The following PFKL variants were observed in gnomAD, a reference collection of about 807,000 sequenced individuals.
PFKL encodes the protein ATP-dependent 6-phosphofructokinase, liver type.
PFKL carries 74 observed loss-of-function variants against 92.1 expected under a neutral mutation model. That is an observed-to-expected ratio of 0.80 (90% confidence interval 0.67 to 0.97). The LOEUF is 0.97. Among genes scored for constraint, PFKL ranks in the 50% least tolerant of loss-of-function variants. The pLI, the probability that PFKL is intolerant of heterozygous loss-of-function variation, is 0.00. For missense variants in PFKL, 1,028 were observed against 1,116.6 expected, an observed-to-expected ratio of 0.92 and a Z score of 1.13; for synonymous variants, 494 against 456.4, an observed-to-expected ratio of 1.08 and a Z score of -1.05.
chr21:44,313,204 T>C (rs949322245), intron 5 of PFKL, 61 bp downstream of exon 5: 26 of 1,566,014 alleles, frequency 1.7e-5, no homozygotes, highest in South Asian at 1.2e-4. Context: ...GGTGGTGAGG[T>C]GGTCTCAGGG....
In PFKL at chr21:44,306,458, C is replaced by A. The variant is rs115288741; in HGVS notation, c.86-223C>A. Among the ~76,000 whole-genome samples, 869 of 151,834 alleles carry A rather than the reference C, an allele frequency of 5.7e-3. 9 individuals carry two copies. The highest frequency in any genetic ancestry group is 0.02 in the African/African-American group (839 of 41,418). On this transcript the variant is annotated intron_variant, in intron 1 of 21. Transcript: ENST00000349048. ...TCCTGAGATGGGGAGGGTGACCAGG[C>A]CTTCCCTACCCCCTGCCCTCTGAGA...
intron 2 of PFKL, among the ~76,000 whole-genome samples, chr21:44,310,133 C>T (rs1274351102): frequency 2.0e-5 from 3 of 152,240 alleles, no homozygotes; most frequent in Non-Finnish European, 4.4e-5. Context: ...ACCGGGGCTG[C>T]ACGGAGGAGG....
chr21:44,323,921 A>G lies in PFKL; in HGVS notation c.1650+3A>G. ...CTGCTGTAAATGCCGCCATGGAGGT[A>G]CGGGGCTCCTGGACACCGGCCTGCC... is the stretch of plus-strand genomic sequence containing the variant. On this transcript the variant is annotated splice_donor_region_variant and intron_variant, in intron 16 of 21. Coordinates refer to ENST00000349048, the MANE Select transcript of PFKL (RefSeq NM_002626.6). 6.2e-7 allele frequency: 1 copy of G among 1,613,178 alleles called. No individual in the cohort carries two copies. Among genetic ancestry groups the G allele is most frequent in the Non-Finnish European group, 8.5e-7 (1 of 1,179,900 alleles).
Position 44,324,612 on chromosome 21 carries a change from C to T in PFKL, c.1772C>T (p.Ala591Val). 6.2e-7 allele frequency: 1 copy of T among 1,610,340 alleles called. No individual in the cohort carries two copies. Among genetic ancestry groups the T allele is most frequent in the Non-Finnish European group, 8.5e-7 (1 of 1,178,154 alleles). Residue 591 changes from alanine to valine, a missense_variant, in exon 17 of 22, where the codon GCC becomes GTC. Physicochemically the swap from Ala to Val is moderately conservative, Grantham distance 64. Transcript: ENST00000349048. ...TVTGIAVGAD[A>V]AYVFEDPFNI... The stretch of plus-strand genomic sequence containing the variant: ...ACTGGCATTGCTGTGGGGGCCGACG[C>T]CGCCTACGTCTTCGAGGACCCTTTC...
In PFKL at chr21:44,326,757, C is replaced by T. The variant is rs1408947076; in HGVS notation, c.2238C>T (p.Leu746=). The change falls in exon 22 of 22, where the codon CTC becomes CTT. Residue 746 remains leucine, a synonymous_variant. Coordinates refer to ENST00000349048, the MANE Select transcript of PFKL (RefSeq NM_002626.6). ...AGCAGTGGTGGCTGAGCCTGCGGCT[C>T]ATGCTGAAGATGCTGGCACAATACC... ...PREQWWLSLR[L]MLKMLAQYRI... 2.5e-6 allele frequency: 4 copies of T among 1,611,400 alleles called. No homozygotes were observed. The highest frequency in any genetic ancestry group is 1.7e-5 in the Admixed American group (1 of 59,914).
intron 9 of PFKL, among the ~76,000 whole-genome samples, chr21:44,317,764 A>G (rs1266582916): frequency 1.3e-5 from 2 of 152,222 alleles, no homozygotes; most frequent in Non-Finnish European, 2.9e-5. Context: ...CTCATCCTGC[A>G]TGGGGGGTGT....
intron 15 of PFKL, among the ~76,000 whole-genome samples, chr21:44,323,250 G>C (rs1171756977): frequency 6.6e-6 from 1 of 152,304 alleles, no homozygotes; most frequent in South Asian, 2.1e-4. Context: ...AGAGGGTTGG[G>C]GTTTTAAGTG....
Position 44,324,590 on chromosome 21 carries a change from G to A in PFKL, c.1750G>A (p.Gly584Ser). ...GYCGYLATVT[G>S]IAVGADAAYV... ...CTGTGGCTACCTGGCCACCGTGACT[G>A]GCATTGCTGTGGGGGCCGACGCCGC... The change falls in exon 17 of 22, where the codon GGC (glycine) becomes AGC (serine). Residue 584 changes from glycine to serine, a missense_variant. Coordinates refer to ENST00000349048, the MANE Select transcript of PFKL (RefSeq NM_002626.6). 1 of 1,612,870 alleles carries A rather than the reference G, an allele frequency of 6.2e-7. No homozygotes were observed. The highest frequency in any genetic ancestry group is 8.5e-7 in the Non-Finnish European group (1 of 1,179,678).
At position 44,325,477 on chromosome 21, in the gene PFKL, C is replaced by T. The variant is rs117561656; in HGVS notation, c.1989+213C>T. ...TGGGGCTGGGGCTGGAGCCGGGGCC[C>T]GAGCCAGGGCATTCACATGCTGAGC... On this transcript the variant is annotated intron_variant, in intron 19 of 21. Coordinates refer to ENST00000349048, the MANE Select transcript of PFKL (RefSeq NM_002626.6). The T allele has an allele frequency of 4.6e-3, 2,661 of 582,466 alleles. 11 individuals are homozygous for T. The highest frequency in any genetic ancestry group is 5.9e-3 in the Non-Finnish European group (1,916 of 324,790). The allele number at this position is 582,466 out of a possible 1,614,324, so 36.1% of individuals were successfully genotyped here. A position where few individuals can be genotyped will look rare whatever the true frequency, so the allele number is the denominator to read the frequency against.
rs1164912519 is a variant in PFKL at position 44,319,590 on chromosome 21, G to A, written c.1127+175G>A. On this transcript the variant is annotated intron_variant, in intron 11 of 21. Transcript: ENST00000349048. ...GTACAGGAGGCGGGCTGGGAGGTGT[G>A]GTACCACAGGAGACCCTGGGCGGTG... 3 of 626,862 alleles carry A rather than the reference G, an allele frequency of 4.8e-6. No homozygotes were observed. The African/African-American group carries it at 5.5e-5, about 11-fold the overall frequency. 38.8% of individuals were successfully genotyped at this position (626,862 alleles called of 1,614,324 possible).
chr21:44,312,120 G>A lies in PFKL; in HGVS notation c.253G>A (p.Gly85Ser), dbSNP rs1444077675. ...CTCTGTGCAGGGCGGCACTATCATT[G>A]GCAGCGCTCGCTGCAAGGCCTTTAC... ...NIIQLGGTII[G>S]SARCKAFTTR... The change falls in exon 4 of 22, where the codon GGC becomes AGC. Residue 85 changes from glycine to serine, a missense_variant. Gly to Ser is a moderately conservative substitution (Grantham distance 56). Coordinates refer to ENST00000349048, the MANE Select transcript of PFKL (RefSeq NM_002626.6). 6.4e-7 allele frequency: 1 copy of A among 1,561,060 alleles called. No individual in the cohort carries two copies. The highest frequency in any genetic ancestry group is 8.7e-7 in the Non-Finnish European group (1 of 1,154,086).
intron 3 of PFKL, 26 bp from the exon 4 acceptor site, chr21:44,312,079 T>A (rs1471459510): frequency 1.4e-6 from 2 of 1,423,706 alleles, no homozygotes; most frequent in African/African-American, 3.0e-5. Context: ...CCATCTCTCC[T>A]GAAGTTTCTG....
intron 12 of PFKL, chr21:44,320,380 G>A (rs1266283188): frequency 1.2e-5 from 6 of 484,194 alleles, no homozygotes; most frequent in Admixed American, 3.6e-5. Flanking sequence ...TCTCAGTGGT[G>A]GATGGAAATG....
chr21:44,323,272 C>G (rs2047406704), intron 15 of PFKL, among the ~76,000 whole-genome samples: 1 of 151,998 alleles, frequency 6.6e-6, no homozygotes, highest in Admixed American at 6.6e-5. Context: ...TGTGTGTGGG[C>G]TCGGGAGGGT....
intron 21 of PFKL, 83 bp from the exon 22 acceptor site, chr21:44,326,632 G>A: frequency 6.9e-7 from 1 of 1,456,240 alleles, no homozygotes; most frequent in Non-Finnish European, 9.3e-7. Flanking sequence ...CAGGGTCGGG[G>A]GGGGTGGGGG....
At chr21:44,302,317 A>G (rs1186334822) in intron 1 of PFKL, among the ~76,000 whole-genome samples, 1 of 152,194 alleles carries the variant, frequency 6.6e-6, no homozygotes, top group Non-Finnish European at 1.5e-5. Context: ...TCTGCAAGGG[A>G]GGAGGACTCC....
In PFKL at chr21:44,312,153, G is replaced by A; in HGVS notation, c.286G>A (p.Glu96Lys). The A allele has an allele frequency of 6.3e-7, 1 of 1,590,394 alleles. No individual in the cohort carries two copies. The highest frequency in any genetic ancestry group is 8.6e-7 in the Non-Finnish European group (1 of 1,169,046). ...SARCKAFTTR[E>K]GRRAAAYNLV... is the part of the protein sequence containing the mutation. ...TCGCTGCAAGGCCTTTACCACCAGG[G>A]AGGGGCGCCGGGCAGCGGCCTACAA... The change falls in exon 4 of 22, where the codon GAG becomes AAG. Residue 96 changes from glutamate to lysine, a missense_variant. Glu to Lys is a moderately conservative substitution (Grantham distance 56). Coordinates refer to ENST00000349048, the MANE Select transcript of PFKL (RefSeq NM_002626.6).
rs745619097 is a variant in PFKL, at chr21:44,305,416, AG to A, written c.86-1263del. 3.0e-6 allele frequency: 4 copies of A among 1,314,558 alleles called. No homozygotes were observed. In the Admixed American group the frequency reaches 5.9e-5, roughly 19 times the overall value. The allele number at this position is 1,314,558 out of a possible 1,614,324, so 81.4% of individuals were successfully genotyped here. On this transcript the variant is annotated intron_variant, in intron 1 of 21. Transcript: ENST00000349048. ...CGAGGCTTGAGCAGGAGCCCCCAGC[AG>A]GTCAGCACCTCCAGCCTCTGCAAGT...
At chr21:44,311,465 C>T (rs1035707215) in intron 3 of PFKL, among the ~76,000 whole-genome samples, 2 of 152,194 alleles carry the variant, frequency 1.3e-5, no homozygotes, top group Admixed American at 6.5e-5. Context: ...CAGATACACA[C>T]GTAGACACAC....
Sources: allele counts gnomAD v4.1 joint callset (sites outside exome capture counted in the v4.1 genomes callset), GRCh38; gene constraint gnomAD v4.1.1; transcripts MANE v1.5; gene names NCBI Gene and HGNC (gene_info 2026-07-23, HGNC 2026-07-21).